Variants in HRH4 observed in about 807,000 individuals in gnomAD.
HRH4 encodes the protein histamine receptor H4, also known as histamine H4 receptor.
A neutral mutation model predicts 10.4 loss-of-function variants in HRH4; 12 were observed. The observed-to-expected ratio is 1.15, with a 90% CI of 0.74 to 1.87. The LOEUF (loss-of-function observed/expected upper bound fraction) is 1.87. Ranked by LOEUF, HRH4 falls within the 40% of genes most tolerant of loss-of-function variation. The probability of loss-of-function intolerance (pLI) is 0.00; values close to 1 mark genes in which losing one functional copy is unlikely to be tolerated. For synonymous variants in HRH4, 154 were observed against 166.6 expected (o/e 0.92, Z 0.58); for missense variants, 415 against 453.3 (o/e 0.92, Z 0.77).
chr18:24,460,750 A>G lies in HRH4; in HGVS notation c.22A>G (p.Ile8Val). Residue 8 changes from isoleucine (I) to valine (V), a missense_variant, in exon 1 of 3, where the codon ATC becomes GTC. Physicochemically the swap from Ile to Val is conservative, Grantham distance 29. Coordinates refer to ENST00000256906, the MANE Select transcript of HRH4 (RefSeq NM_021624.4). MPDTNST[I>V]NLSLSTRVTL... ...TGTGATGCCAGATACTAATAGCACA[A>G]TCAATTTATCACTAAGCACTCGTGT... 1 of 1,520,894 alleles carries G rather than the reference A, an allele frequency of 6.6e-7. No homozygotes were observed. Among genetic ancestry groups the G allele is most frequent in the Non-Finnish European group, 8.9e-7 (1 of 1,120,072 alleles). 94.2% of individuals were successfully genotyped at this position (1,520,894 alleles called of 1,614,324 possible). A position where few individuals can be genotyped will look rare whatever the true frequency, so the allele number is the denominator to read the frequency against.
rs1910167242 is a variant in HRH4, at chr18:24,477,248, C to T, written c.859C>T (p.Leu287Phe). The part of the protein sequence containing the change: ...GSFSQSDSVA[L>F]HQREHVELLR... The stretch of plus-strand genomic sequence containing the variant: ...CTTCTCCCAATCAGATTCTGTAGCT[C>T]TTCACCAAAGGGAACATGTTGAACT... Residue 287 changes from leucine (L) to phenylalanine (F), a missense_variant, in exon 3 of 3, where the codon CTT becomes TTT. By Grantham distance (22) the Leu-to-Phe change is conservative. Transcript: ENST00000256906. 4 of 1,614,108 alleles carry T rather than the reference C, an allele frequency of 2.5e-6. No individual in the cohort carries two copies. The highest frequency in any genetic ancestry group is 3.4e-6 in the Non-Finnish European group (4 of 1,180,052).
intron 2 of HRH4, among the ~76,000 whole-genome samples, chr18:24,476,456 A>C (rs186594777): frequency 9.2e-4 from 140 of 152,320 alleles, no homozygotes; most frequent in Non-Finnish European, 1.7e-3. Context: ...ATTAGTGTCA[A>C]TTAGGAAAAA....
intron 2 of HRH4, 115 bp downstream of exon 2, chr18:24,469,066 G>T: frequency 1.4e-6 from 1 of 729,588 alleles, no homozygotes; most frequent in Non-Finnish European, 2.2e-6. Context: ...GGCCTTAGAG[G>T]AACCCTATCC....
At chr18:24,465,024 C>T (rs1441964158) in intron 1 of HRH4, among the ~76,000 whole-genome samples, 1 of 151,724 alleles carries the variant, frequency 6.6e-6, no homozygotes, top group African/African-American at 2.4e-5. Flanking sequence ...TGGTGGCTCA[C>T]ATCTGTAATC....
Position 24,476,824 on chromosome 18 carries a change from A to G in HRH4, c.435A>G (p.Leu145=), listed in dbSNP as rs746821901. The G allele has an allele frequency of 3.7e-6, 6 of 1,614,164 alleles. No individual in the cohort carries two copies. The highest frequency in any genetic ancestry group is 5.1e-6 in the Non-Finnish European group (6 of 1,180,020). Residue 145 remains leucine, a synonymous_variant, in exon 3 of 3, where the codon TTA becomes TTG. Transcript: ENST00000256906. ...LMVAVWVLAF[L]VNGPMILVSE... Reference sequence around the variant, plus strand: ...TGGCCGTTTGGGTGCTGGCCTTCTTAGTGAATGGGCCAATGATTCTAGTTT... The same window carrying G: ...TGGCCGTTTGGGTGCTGGCCTTCTTGGTGAATGGGCCAATGATTCTAGTTT...
intron 2 of HRH4, 60 bp from the exon 3 acceptor site, chr18:24,476,687 G>C: frequency 7.9e-7 from 1 of 1,258,550 alleles, no homozygotes; most frequent in East Asian, 2.3e-5. Context: ...GGATCTATGA[G>C]ATACTTTATG....
chr18:24,465,303 A>T (rs1353340778), intron 1 of HRH4, among the ~76,000 whole-genome samples: 2 of 151,920 alleles, frequency 1.3e-5, no homozygotes, highest in African/African-American at 4.8e-5. Context: ...AAACAAACAA[A>T]ACAAAAAGGA....
intron 1 of HRH4, among the ~76,000 whole-genome samples, chr18:24,466,579 G>A (rs544970579): frequency 6.6e-6 from 1 of 152,126 alleles, no homozygotes; most frequent in Non-Finnish European, 1.5e-5. Flanking sequence ...CTTCATCTCT[G>A]TGGTGTCTTG....
chr18:24,467,489 C>T (rs947632192), intron 1 of HRH4, among the ~76,000 whole-genome samples: 1 of 152,144 alleles, frequency 6.6e-6, no homozygotes, highest in Non-Finnish European at 1.5e-5. Flanking sequence ...TGGAGGAGGT[C>T]ACTTTTTGGC....
chr18:24,473,702 T>C (rs147097414), intron 2 of HRH4, among the ~76,000 whole-genome samples: 85 of 152,214 alleles, frequency 5.6e-4, no homozygotes, highest in Middle Eastern at 6.8e-3. Context: ...TACTGAGGGG[T>C]TTAGGACTTC....
At chr18:24,467,732 T>C (rs1424813655) in intron 1 of HRH4, among the ~76,000 whole-genome samples, 1 of 151,974 alleles carries the variant, frequency 6.6e-6, no homozygotes, top group South Asian at 2.1e-4. Context: ...TTAGTAGAGA[T>C]GAGGTTTCAC....
chr18:24,468,704 ATTGTG>A, intron 1 of HRH4, 79 bp from the exon 2 acceptor site: 4 of 1,195,688 alleles, frequency 3.3e-6, no homozygotes, highest in Non-Finnish European at 4.7e-6. Context: ...CAGATAGGTC[ATTGTG>A]TTGTGTAGCC....
chr18:24,461,187 A>G (rs1411929574), intron 1 of HRH4, among the ~76,000 whole-genome samples: 2 of 152,116 alleles, frequency 1.3e-5, no homozygotes, highest in Non-Finnish European at 2.9e-5. Context: ...ATAGCTCCAA[A>G]ATTTTAATGT....
intron 2 of HRH4, among the ~76,000 whole-genome samples, chr18:24,472,322 A>G (rs1304204958): frequency 2.0e-5 from 3 of 152,214 alleles, no homozygotes; most frequent in African/African-American, 4.8e-5. Flanking sequence ...CTAAGATTAC[A>G]GGCATGAATC....
rs763077385 is a variant in HRH4, at chr18:24,460,746, C to A, written c.18C>A (p.Ser6Arg). MPDTNSTINLSLSTRV... is the reference protein window; with the variant it reads MPDTNRTINLSLSTRV... ...TTGATGTGATGCCAGATACTAATAGCACAATCAATTTATCACTAAGCACTC... is the reference window on the plus strand; with the variant it reads ...TTGATGTGATGCCAGATACTAATAGAACAATCAATTTATCACTAAGCACTC... The change falls in exon 1 of 3, where the codon AGC becomes AGA. Residue 6 changes from serine to arginine, a missense_variant. Physicochemically the swap from Ser to Arg is moderately radical, Grantham distance 110. Coordinates refer to ENST00000256906, the MANE Select transcript of HRH4 (RefSeq NM_021624.4). 6 of 1,520,636 alleles carry A rather than the reference C, an allele frequency of 3.9e-6. No individual in the cohort carries two copies. In the South Asian group the frequency reaches 6.7e-5, roughly 17 times the overall value. 94.2% of individuals were successfully genotyped at this position (1,520,636 alleles called of 1,614,324 possible). A position where few individuals can be genotyped will look rare whatever the true frequency, so the allele number is the denominator to read the frequency against.
At chr18:24,465,059 G>A (rs1314159183) in intron 1 of HRH4, among the ~76,000 whole-genome samples, 1 of 152,010 alleles carries the variant, frequency 6.6e-6, no homozygotes, top group Non-Finnish European at 1.5e-5. Flanking sequence ...GGCCAAGGTG[G>A]GTGGATCACT....
intron 1 of HRH4, among the ~76,000 whole-genome samples, chr18:24,467,932 T>C (rs1029246219): frequency 3.9e-5 from 6 of 152,090 alleles, no homozygotes; most frequent in Admixed American, 3.9e-4. Flanking sequence ...AAATGTGCCA[T>C]GTGTTTGGGG....
chr18:24,465,373 G>T (rs1909747279), intron 1 of HRH4, among the ~76,000 whole-genome samples: 1 of 152,148 alleles, frequency 6.6e-6, no homozygotes, highest in African/African-American at 2.4e-5. Flanking sequence ...CCAAGGAACA[G>T]CAGGTGCGCA....
chr18:24,462,860 A>G (rs1568095053), intron 1 of HRH4, among the ~76,000 whole-genome samples: 1 of 152,216 alleles, frequency 6.6e-6, no homozygotes, highest in African/African-American at 2.4e-5. Flanking sequence ...TCCCATAAAC[A>G]TGTACAAATA....
Sources: allele counts gnomAD v4.1 joint callset (sites outside exome capture counted in the v4.1 genomes callset), GRCh38; gene constraint gnomAD v4.1.1; transcripts MANE v1.5; gene names NCBI Gene and HGNC (gene_info 2026-07-23, HGNC 2026-07-21).